RSU1: variants seen among roughly 807,000 people sequenced by gnomAD.
RSU1 encodes the protein Ras suppressor protein 1.
A neutral mutation model predicts 31.1 loss-of-function variants in RSU1; 26 were observed. The ratio of observed to expected loss-of-function variants is 0.84; its 90% CI spans 0.61 to 1.16. The LOEUF is 1.16. Among genes scored for constraint, RSU1 ranks in the 50% most tolerant of loss-of-function variants. The pLI is 0.00. For synonymous variants in RSU1, 164 were observed against 136.3 expected (o/e 1.20, Z -1.41); for missense variants, 320 against 339.1 (o/e 0.94, Z 0.44).
At chr10:16,730,059 C>T (rs553387446) in intron 7 of RSU1, among the ~76,000 whole-genome samples, 5 of 152,232 alleles carry the variant, frequency 3.3e-5, no homozygotes, top group South Asian at 2.1e-4. Context: ...AGGAAGCTTC[C>T]GCTCAAGGCA....
intron 8 of RSU1, among the ~76,000 whole-genome samples, chr10:16,615,392 G>C (rs1392630297): frequency 6.6e-6 from 1 of 152,038 alleles, no homozygotes; most frequent in African/African-American, 2.4e-5. Context: ...AACAAGTTCT[G>C]AGAGACCTAC....
chr10:16,791,185 C>A (rs117132481), intron 2 of RSU1, among the ~76,000 whole-genome samples: 5,290 of 152,154 alleles, frequency 0.035, 88 homozygotes, highest in Middle Eastern at 0.048. Context: ...CACCACCATA[C>A]CCAGCTAATT....
chr10:16,717,510 G>A (rs1175605448), intron 7 of RSU1, among the ~76,000 whole-genome samples: 1 of 152,044 alleles, frequency 6.6e-6, no homozygotes, highest in Non-Finnish European at 1.5e-5. Flanking sequence ...AAGAAACAAT[G>A]AAAAGAAAAC....
chr10:16,790,320 C>G (rs1424818602), intron 2 of RSU1, among the ~76,000 whole-genome samples: 2 of 152,148 alleles, frequency 1.3e-5, no homozygotes, highest in Non-Finnish European at 2.9e-5. Flanking sequence ...TTGGATTATA[C>G]CAGCTGTCCC....
At chr10:16,613,183 C>A (rs996918953) in intron 8 of RSU1, among the ~76,000 whole-genome samples, 2 of 152,168 alleles carry the variant, frequency 1.3e-5, no homozygotes. Flanking sequence ...AAAAGGCACA[C>A]CAGTGAGGCA....
intron 3 of RSU1, among the ~76,000 whole-genome samples, chr10:16,775,573 A>C (rs965230032): frequency 1.1e-4 from 17 of 152,216 alleles, no homozygotes; most frequent in African/African-American, 3.6e-4. Flanking sequence ...TGCCACCGGC[A>C]GGACACGTCT....
intron 8 of RSU1, among the ~76,000 whole-genome samples, chr10:16,675,451 C>T (rs1168029386): frequency 6.6e-6 from 1 of 152,146 alleles, no homozygotes; most frequent in Non-Finnish European, 1.5e-5. Flanking sequence ...AGAAGGAGGT[C>T]GCTGTTTCTT....
intron 7 of RSU1, among the ~76,000 whole-genome samples, chr10:16,713,897 T>C (rs747932597): frequency 2.0e-5 from 3 of 152,204 alleles, no homozygotes; most frequent in African/African-American, 4.8e-5. Flanking sequence ...GAGTTAGCTT[T>C]AGTTCTGGGT....
chr10:16,615,715 A>G (rs1488360527), intron 8 of RSU1, among the ~76,000 whole-genome samples: 1 of 152,254 alleles, frequency 6.6e-6, no homozygotes, highest in Non-Finnish European at 1.5e-5. Context: ...AGAACTTGGG[A>G]TTAAGAAACA....
intron 8 of RSU1, among the ~76,000 whole-genome samples, chr10:16,600,061 A>C (rs1009457578): frequency 2.0e-5 from 3 of 152,172 alleles, no homozygotes. Context: ...AAGTGGGAAA[A>C]AAACGAGAAA....
chr10:16,794,657 G>C (rs970821682), intron 2 of RSU1, among the ~76,000 whole-genome samples: 1 of 152,180 alleles, frequency 6.6e-6, no homozygotes, highest in Non-Finnish European at 1.5e-5. Flanking sequence ...AAGATTCCAC[G>C]GGCCAGCAGA....
intron 7 of RSU1, among the ~76,000 whole-genome samples, chr10:16,706,376 C>T (rs1204086843): frequency 6.6e-6 from 1 of 152,066 alleles, no homozygotes; most frequent in Non-Finnish European, 1.5e-5. Context: ...TTTTCATGTG[C>T]TTATTGGCCA....
rs532972886 is a variant in RSU1 at position 16,681,874 on chromosome 10, T to A, written c.731+13149A>T. ...TAATAAAAATCAATCCATCTCTACCTGGAGCCTTTTTCCTCTAACAAGTCC... is the reference window on the plus strand; with the variant it reads ...TAATAAAAATCAATCCATCTCTACCAGGAGCCTTTTTCCTCTAACAAGTCC... On this transcript the variant is annotated intron_variant, in intron 8 of 8. Coordinates refer to ENST00000345264, the MANE Select transcript of RSU1 (RefSeq NM_012425.4). Among the ~76,000 whole-genome samples, 4 of 152,324 alleles carry A rather than the reference T, an allele frequency of 2.6e-5. No individual in the cohort carries two copies. In the East Asian group the frequency reaches 7.7e-4, roughly 29 times the overall value.
At chr10:16,669,907 A>G (rs182505439) in intron 8 of RSU1, among the ~76,000 whole-genome samples, 18 of 152,346 alleles carry the variant, frequency 1.2e-4, no homozygotes, top group African/African-American at 3.8e-4. Flanking sequence ...TTACATGCCC[A>G]AAGTCAGAGC....
At chr10:16,700,261 T>C (rs1835763539) in intron 7 of RSU1, among the ~76,000 whole-genome samples, 1 of 152,090 alleles carries the variant, frequency 6.6e-6, no homozygotes. Context: ...CACAGAGAGC[T>C]TTTTAAAATT....
intron 7 of RSU1, among the ~76,000 whole-genome samples, chr10:16,702,377 G>A (rs539403090): frequency 2.0e-5 from 3 of 152,352 alleles, no homozygotes; most frequent in African/African-American, 7.2e-5. Context: ...CCACTGACAG[G>A]CTGAACCCTG....
At chr10:16,731,291 G>T (rs994851428) in intron 7 of RSU1, among the ~76,000 whole-genome samples, 1 of 151,988 alleles carries the variant, frequency 6.6e-6, no homozygotes, top group African/African-American at 2.4e-5. Flanking sequence ...TTAGCCGGGC[G>T]CGGGGGTGGG....
intron 2 of RSU1, among the ~76,000 whole-genome samples, chr10:16,795,248 G>A (rs1838004788): frequency 6.6e-6 from 1 of 151,648 alleles, no homozygotes. Flanking sequence ...CAGCTACTGG[G>A]GAGGCTGAGG....
chr10:16,596,145 G>T (rs546595748), intron 8 of RSU1, among the ~76,000 whole-genome samples: 1 of 152,086 alleles, frequency 6.6e-6, no homozygotes, highest in African/African-American at 2.4e-5. Context: ...AAAGTTCAGC[G>T]GGTCCAACCT....
Sources: gnomAD v4.1 joint callset for allele counts (sites outside exome capture counted in the v4.1 genomes callset) on GRCh38, gnomAD v4.1.1 for gene constraint, MANE v1.5 for transcripts, NCBI Gene and HGNC (gene_info 2026-07-23, HGNC 2026-07-21) for gene names.